MEIOB: variants seen among roughly 807,000 people sequenced by gnomAD.
MEIOB encodes meiosis-specific with OB domain-containing protein.
A neutral mutation model predicts 53.1 loss-of-function variants in MEIOB; 50 were observed. The ratio of observed to expected loss-of-function variants is 0.94; its 90% CI spans 0.75 to 1.19. The LOEUF (loss-of-function observed/expected upper bound fraction) is 1.19, where lower values mean the gene tolerates loss of function less well. Among genes scored for constraint, MEIOB ranks in the 50% most tolerant of loss-of-function variants. The probability of loss-of-function intolerance (pLI) is 0.00; values close to 1 mark genes in which losing one functional copy is unlikely to be tolerated. For missense variants in MEIOB, 551 were observed against 550.8 expected, an observed-to-expected ratio of 1.00 and a Z score of 0.00; for synonymous variants, 192 against 182.5, an observed-to-expected ratio of 1.05 and a Z score of -0.42.
At chr16:1,866,617 G>A (rs937492422) in intron 2 of MEIOB, among the ~76,000 whole-genome samples, 38 of 152,108 alleles carry the variant, frequency 2.5e-4, no homozygotes, top group African/African-American at 9.2e-4. Flanking sequence ...AGCTACTCGC[G>A]AGGCTGAGGC....
intron 10 of MEIOB, among the ~76,000 whole-genome samples, chr16:1,844,172 G>C (rs1459828104): frequency 6.7e-6 from 1 of 149,844 alleles, no homozygotes; most frequent in Non-Finnish European, 1.5e-5. Context: ...GCCCAGACTG[G>C]AGTACAGTGG....
At chr16:1,853,198 A>G in intron 8 of MEIOB, 21 bp downstream of exon 8, 1 of 1,557,272 alleles carries the variant, frequency 6.4e-7, no homozygotes. Flanking sequence ...AATATTGGAC[A>G]CAATCATTGA....
At chr16:1,843,750 TAACAC>T (rs988832748) in intron 10 of MEIOB, among the ~76,000 whole-genome samples, 113 of 148,238 alleles carry the variant, frequency 7.6e-4, no homozygotes, top group Non-Finnish European at 7.3e-4. Context: ...AAAAGAGTAA[TAACAC>T]AACATTAGTG....
chr16:1,852,528 T>G (rs1398895922), intron 9 of MEIOB, among the ~76,000 whole-genome samples: 1 of 151,850 alleles, frequency 6.6e-6, no homozygotes, highest in Non-Finnish European at 1.5e-5. Flanking sequence ...CCCAAAGTGC[T>G]GGAATTACAG....
chr16:1,841,307 C>T (rs1042524050), intron 11 of MEIOB, among the ~76,000 whole-genome samples: 4 of 152,104 alleles, frequency 2.6e-5, no homozygotes, highest in South Asian at 2.1e-4. Flanking sequence ...CGTGAGCCAC[C>T]GTGCCCGGCC....
intron 1 of MEIOB, among the ~76,000 whole-genome samples, 194 bp from the exon 2 acceptor site, chr16:1,868,378 G>A (rs1320280701): frequency 2.0e-5 from 3 of 151,772 alleles, no homozygotes; most frequent in African/African-American, 4.8e-5. Flanking sequence ...CCATCATGGC[G>A]AAACCTCACG....
chr16:1,860,717 T>G (rs1287492024), intron 4 of MEIOB, among the ~76,000 whole-genome samples: 9 of 152,208 alleles, frequency 5.9e-5, no homozygotes, highest in African/African-American at 2.2e-4. Context: ...TGTCTATAGC[T>G]ATACTGGGCC....
intron 9 of MEIOB, among the ~76,000 whole-genome samples, chr16:1,845,253 C>G (rs1899001859): frequency 2.0e-5 from 3 of 152,186 alleles, no homozygotes; most frequent in Admixed American, 2.0e-4. Flanking sequence ...GGCGCAGTGG[C>G]TCACGCCTGT....
chr16:1,845,178 G>A (rs1380929197), intron 9 of MEIOB, among the ~76,000 whole-genome samples: 1 of 152,206 alleles, frequency 6.6e-6, no homozygotes, highest in African/African-American at 2.4e-5. Flanking sequence ...AGTGAAAAGA[G>A]CAGCTTACTA....
At chr16:1,842,887 C>T (rs1188136593) in intron 10 of MEIOB, among the ~76,000 whole-genome samples, 1 of 149,300 alleles carries the variant, frequency 6.7e-6, no homozygotes, top group African/African-American at 2.4e-5. Flanking sequence ...TGGTTTCCAT[C>T]TCCTGACCTC....
At chr16:1,842,233 CCA>C (rs1259726182) in intron 10 of MEIOB, among the ~76,000 whole-genome samples, 9 of 152,104 alleles carry the variant, frequency 5.9e-5, no homozygotes, top group African/African-American at 2.2e-4. Context: ...AAAAGGCAAG[CCA>C]CAGAGTGGGA....
intron 7 of MEIOB, among the ~76,000 whole-genome samples, chr16:1,853,754 C>A (rs2142089663): frequency 6.6e-6 from 1 of 152,298 alleles, no homozygotes; most frequent in African/African-American, 2.4e-5. Flanking sequence ...GCCCACGTGC[C>A]CCTGTGTCCT....
intron 10 of MEIOB, among the ~76,000 whole-genome samples, chr16:1,843,808 G>A (rs11248898): frequency 0.18 from 27,011 of 151,524 alleles, 2,536 homozygotes; most frequent in South Asian, 0.27. Context: ...CAAAACTAAA[G>A]ACAATAACCT....
At chr16:1,870,790 A>T (rs992762560) in intron 1 of MEIOB, among the ~76,000 whole-genome samples, 21 of 152,206 alleles carry the variant, frequency 1.4e-4, no homozygotes, top group Admixed American at 7.2e-4. Flanking sequence ...CTCACAATGC[A>T]GTGTCACTAT....
rs1024336272 is a variant in MEIOB, at chr16:1,865,738, G to C, written c.127+40C>G. The C allele has an allele frequency of 3.4e-6, 5 of 1,459,166 alleles. No individual in the cohort carries two copies. In the African/African-American group the frequency reaches 5.7e-5, roughly 17 times the overall value. The allele number at this position is 1,459,166 out of a possible 1,614,324, so 90.4% of individuals were successfully genotyped here. ...TACTTTGTTGTAGTCATAAGCCAAA[G>C]TTGATGAAAAATGAAACCAAGAGTT... is the stretch of plus-strand genomic sequence containing the variant. On this transcript the variant is annotated intron_variant, in intron 3 of 13. Coordinates refer to ENST00000325962, the MANE Select transcript of MEIOB (RefSeq NM_001163560.3).
At position 1,857,946 on chromosome 16, in the gene MEIOB, A is replaced by C. The variant is rs1264396852; in HGVS notation, c.333-16T>G. ...TTTACAGTTGCTAAATTGCAAAAAC[A>C]CAAGAAAGTTATTTGAAAGTGATCT... On this transcript the variant is annotated splice_polypyrimidine_tract_variant and intron_variant, in intron 5 of 13. Coordinates refer to ENST00000325962, the MANE Select transcript of MEIOB (RefSeq NM_001163560.3). The C allele has an allele frequency of 1.4e-6, 2 of 1,466,018 alleles. No homozygotes were observed. The highest frequency in any genetic ancestry group is 1.8e-6 in the Non-Finnish European group (2 of 1,087,072). 90.8% of individuals were successfully genotyped at this position (1,466,018 alleles called of 1,614,324 possible).
chr16:1,835,240 C>T (rs894102508), intron 13 of MEIOB, among the ~76,000 whole-genome samples: 4 of 148,864 alleles, frequency 2.7e-5, no homozygotes, highest in South Asian at 4.2e-4. Flanking sequence ...TGTGACAGAG[C>T]GAGCAGAGTG....
At chr16:1,836,234 G>A (rs574247034) in intron 13 of MEIOB, among the ~76,000 whole-genome samples, 3 of 152,070 alleles carry the variant, frequency 2.0e-5, no homozygotes, top group Non-Finnish European at 4.4e-5. Context: ...GTAAAATACT[G>A]TGTTACCTAA....
At position 1,835,858 on chromosome 16, in the gene MEIOB, TTTTC is replaced by T. The variant is rs1281487845; in HGVS notation, c.1306-1496_1306-1493del. The stretch of plus-strand genomic sequence containing the variant: ...CTATGTATCTATTCTTCCAATTCCT[TTTTC>T]TTTTTTTTTTTTTTTGAGACACAGT... On this transcript the variant is annotated intron_variant, in intron 13 of 13. Coordinates refer to ENST00000325962, the MANE Select transcript of MEIOB (RefSeq NM_001163560.3). Among the ~76,000 whole-genome samples, 513 of 129,016 alleles carry T rather than the reference TTTTC, an allele frequency of 4.0e-3. 3 individuals are homozygous for T. Among genetic ancestry groups the T allele is most frequent in the African/African-American group, 0.014 (492 of 33,938 alleles). 84.6% of individuals were successfully genotyped at this position (129,016 alleles called of 152,430 possible).
Sources: allele counts gnomAD v4.1 joint callset (sites outside exome capture counted in the v4.1 genomes callset), GRCh38; gene constraint gnomAD v4.1.1; transcripts MANE v1.5; gene names NCBI Gene and HGNC (gene_info 2026-07-23, HGNC 2026-07-21).